The following CPNE4 variants were observed in gnomAD, a reference collection of about 807,000 sequenced individuals.
The protein encoded by CPNE4 is copine 4.
CPNE4 carries 25 observed loss-of-function variants against 67.9 expected under a neutral mutation model. The ratio of observed to expected loss-of-function variants is 0.37; its 90% CI spans 0.27 to 0.51. The LOEUF is 0.51. Among genes scored for constraint, CPNE4 ranks in the 20% least tolerant of loss-of-function variants. The probability of loss-of-function intolerance (pLI) is 0.93; values close to 1 mark genes in which losing one functional copy is unlikely to be tolerated. For synonymous variants in CPNE4, 242 were observed against 244.9 expected, an observed-to-expected ratio of 0.99 and a Z score of 0.11; for missense variants, 464 against 690.8, an observed-to-expected ratio of 0.67 and a Z score of 3.68.
chr3:131,910,237 G>C (rs921116297), intron 1 of CPNE4, among the ~76,000 whole-genome samples: 19 of 152,226 alleles, frequency 1.2e-4, no homozygotes, highest in Admixed American at 2.6e-4. Context: ...TCTGGGGAAG[G>C]GGGGAGAAAG....
chr3:131,644,216 C>T (rs1332262684), intron 7 of CPNE4, among the ~76,000 whole-genome samples: 1 of 151,760 alleles, frequency 6.6e-6, no homozygotes, highest in Non-Finnish European at 1.5e-5. Context: ...GGCATGATCT[C>T]GGCTCACTGC....
chr3:131,695,993 C>G (rs2081147591), intron 5 of CPNE4, among the ~76,000 whole-genome samples: 1 of 152,110 alleles, frequency 6.6e-6, no homozygotes, highest in Admixed American at 6.5e-5. Context: ...TTTTGATATG[C>G]CTTTTTTCCA....
chr3:132,011,856 C>T (rs2073771775), intron 1 of CPNE4, among the ~76,000 whole-genome samples: 1 of 152,158 alleles, frequency 6.6e-6, no homozygotes, highest in South Asian at 2.1e-4. Context: ...CTACAGGCAA[C>T]CTTATTACTC....
chr3:131,893,534 A>G (rs970409421), intron 2 of CPNE4, among the ~76,000 whole-genome samples: 5 of 152,048 alleles, frequency 3.3e-5, no homozygotes, highest in Non-Finnish European at 7.4e-5. Flanking sequence ...TTTATTCTCA[A>G]ATTCACATGG....
intron 2 of CPNE4, among the ~76,000 whole-genome samples, chr3:131,869,944 A>G (rs1335153553): frequency 6.6e-6 from 1 of 152,202 alleles, no homozygotes; most frequent in Non-Finnish European, 1.5e-5. Context: ...ATTAAAGAGT[A>G]AAATATGCCA....
chr3:131,618,234 A>C (rs552057100), intron 7 of CPNE4, among the ~76,000 whole-genome samples: 6 of 152,160 alleles, frequency 3.9e-5, no homozygotes, highest in Admixed American at 6.5e-5. Context: ...AAGCATAGAA[A>C]GGGATGCTTA....
intron 5 of CPNE4, among the ~76,000 whole-genome samples, chr3:131,691,242 A>G (rs2081026995): frequency 1.3e-5 from 2 of 152,216 alleles, no homozygotes; most frequent in African/African-American, 2.4e-5. Context: ...TGCCAAAAAG[A>G]CACATGCACT....
At chr3:131,774,851 C>T (rs1465733253) in intron 2 of CPNE4, among the ~76,000 whole-genome samples, 6 of 152,134 alleles carry the variant, frequency 3.9e-5, no homozygotes, top group Non-Finnish European at 8.8e-5. Context: ...TAGCACCACA[C>T]TATGTAGCCT....
chr3:131,539,555 T>C (rs746200950), intron 15 of CPNE4, among the ~76,000 whole-genome samples: 4 of 152,230 alleles, frequency 2.6e-5, no homozygotes, highest in South Asian at 2.1e-4. Context: ...TATCATTTCA[T>C]TGTGGTCCTA....
chr3:131,549,850 T>G lies in CPNE4; in HGVS notation c.1302+97A>C, dbSNP rs187141618. 489 of 1,356,014 alleles carry G rather than the reference T, an allele frequency of 3.6e-4. No individual in the cohort carries two copies. The African/African-American group carries it at 6.4e-3, about 18-fold the overall frequency. The allele number at this position is 1,356,014 out of a possible 1,614,324, so 84.0% of individuals were successfully genotyped here. A position where few individuals can be genotyped will look rare whatever the true frequency, so the allele number is the denominator to read the frequency against. ...TTGTCCAAATTCACACAGGGAGAAG[T>G]GTTGGAATTTATTGTTAGAGTGAGA... On this transcript the variant is annotated intron_variant, in intron 14 of 15. Transcript: ENST00000429747.
intron 2 of CPNE4, among the ~76,000 whole-genome samples, chr3:131,775,657 T>C (rs1338428430): frequency 6.6e-6 from 1 of 152,162 alleles, no homozygotes; most frequent in Non-Finnish European, 1.5e-5. Flanking sequence ...ATGTGAAATG[T>C]GCCTTTCACC....
chr3:131,559,526 A>G (rs1376331419), intron 11 of CPNE4, among the ~76,000 whole-genome samples: 3 of 152,030 alleles, frequency 2.0e-5, no homozygotes, highest in Admixed American at 6.6e-5. Context: ...CTTTTGATCA[A>G]TTATGCACTA....
chr3:131,578,116 T>C (rs902057717), intron 9 of CPNE4, among the ~76,000 whole-genome samples: 1 of 152,150 alleles, frequency 6.6e-6, no homozygotes, highest in Non-Finnish European at 1.5e-5. Context: ...TTTTTACAGA[T>C]TGAAGGTTTC....
At chr3:131,613,736 A>G (rs1185730369) in intron 7 of CPNE4, among the ~76,000 whole-genome samples, 2 of 151,978 alleles carry the variant, frequency 1.3e-5, no homozygotes, top group Non-Finnish European at 2.9e-5. Flanking sequence ...AAATTTGGAC[A>G]CCTCATCACT....
At chr3:131,792,038 G>A (rs28654362) in intron 2 of CPNE4, among the ~76,000 whole-genome samples, 7,709 of 152,152 alleles carry the variant, frequency 0.051, 239 homozygotes, top group African/African-American at 0.089. Context: ...ACCAGAAAAT[G>A]CCTATGTATT....
intron 1 of CPNE4, among the ~76,000 whole-genome samples, chr3:131,930,150 C>T (rs2071015927): frequency 1.3e-5 from 2 of 152,172 alleles, no homozygotes; most frequent in African/African-American, 2.4e-5. Context: ...AGTGCCTTAA[C>T]TTTCTAATCA....
chr3:131,799,064 T>C (rs2083998974), intron 2 of CPNE4, among the ~76,000 whole-genome samples: 1 of 152,130 alleles, frequency 6.6e-6, no homozygotes, highest in Admixed American at 6.6e-5. Context: ...CCAAAGAGCT[T>C]AAGTTGTATT....
At chr3:132,022,951 G>T (rs1047378198) in intron 1 of CPNE4, among the ~76,000 whole-genome samples, 2 of 152,092 alleles carry the variant, frequency 1.3e-5, no homozygotes, top group Non-Finnish European at 2.9e-5. Context: ...GAACCACATG[G>T]AATTATGTCA....
chr3:131,914,267 G>A (rs1225063), intron 1 of CPNE4, among the ~76,000 whole-genome samples: 116,166 of 152,070 alleles, frequency 0.76, 44,917 homozygotes, highest in African/African-American at 0.87. Context: ...CCACTTTGCT[G>A]TTCTGCCTCC....
Sources: gnomAD v4.1 joint callset for allele counts (sites outside exome capture counted in the v4.1 genomes callset) on GRCh38, gnomAD v4.1.1 for gene constraint, MANE v1.5 for transcripts, NCBI Gene and HGNC (gene_info 2026-07-23, HGNC 2026-07-21) for gene names.